Variants in RHEB observed in about 807,000 individuals in gnomAD.
RHEB encodes the protein GTP-binding protein Rheb.
RHEB carries 2 observed loss-of-function variants against 28.8 expected under a neutral mutation model. The ratio of observed to expected loss-of-function variants is 0.07; its 90% CI spans 0.03 to 0.22. RHEB has a LOEUF of 0.22. Among genes scored for constraint, RHEB ranks in the 10% least tolerant of loss-of-function variants. RHEB has a pLI of 1.00. For synonymous variants in RHEB, 69 were observed against 77.3 expected (o/e 0.89, Z 0.56); for missense variants, 76 against 219.9 (o/e 0.35, Z 4.14).
chr7:151,484,688 G>T, intron 3 of RHEB, 49 bp downstream of exon 3: 2 of 1,347,590 alleles, frequency 1.5e-6, no homozygotes, highest in Non-Finnish European at 2.1e-6. Context: ...CTAGGACCAA[G>T]ACTGTCAGAT....
intron 1 of RHEB, among the ~76,000 whole-genome samples, chr7:151,498,434 C>G (rs867343844): frequency 1.2e-4 from 18 of 151,958 alleles, no homozygotes; most frequent in African/African-American, 4.1e-4. Context: ...CCGGGCAACA[C>G]AGTGAGACCC....
At chr7:151,491,715 C>T (rs993983525) in intron 1 of RHEB, among the ~76,000 whole-genome samples, 3 of 148,114 alleles carry the variant, frequency 2.0e-5, no homozygotes, top group African/African-American at 5.0e-5. Context: ...CAAGCCTGGG[C>T]GACAGAGCAA....
In RHEB at chr7:151,468,685, C is replaced by T. The variant is rs546029258; in HGVS notation, c.463-1474G>A. Among the ~76,000 whole-genome samples the T allele has an allele frequency of 1.2e-4, 19 of 152,204 alleles. No individual in the cohort carries two copies. The highest frequency in any genetic ancestry group is 3.3e-4 in the Admixed American group (5 of 15,284). ...CACATCCTCCATCCACCAAGCTGACCCACCCACTTGAATGTGGGCTCCCAT... is the reference window on the plus strand; with the variant it reads ...CACATCCTCCATCCACCAAGCTGACTCACCCACTTGAATGTGGGCTCCCAT... On this transcript the variant is annotated intron_variant, in intron 7 of 7. Coordinates refer to ENST00000262187, the MANE Select transcript of RHEB (RefSeq NM_005614.4). This position sits in a 1 kb window ranked among gnomAD's most constrained non-coding sequence, Gnocchi z 4.3.
At chr7:151,490,300 T>C (rs889645001) in intron 2 of RHEB, among the ~76,000 whole-genome samples, 1 of 152,132 alleles carries the variant, frequency 6.6e-6, no homozygotes, top group Non-Finnish European at 1.5e-5. Flanking sequence ...AATAAATAAA[T>C]AGTCTCATGG....
At chr7:151,514,517 C>T (rs978774782) in intron 1 of RHEB, among the ~76,000 whole-genome samples, 2 of 152,014 alleles carry the variant, frequency 1.3e-5, no homozygotes, top group Admixed American at 6.6e-5. Context: ...GGCAGTGTAA[C>T]AATTGTTGAC....
intron 4 of RHEB, among the ~76,000 whole-genome samples, chr7:151,476,013 A>G (rs1373839889): frequency 5.3e-5 from 8 of 152,080 alleles, no homozygotes; most frequent in Non-Finnish European, 1.2e-4. Context: ...CTCACTTTCT[A>G]TTTTTCACAG....
chr7:151,518,048 T>C (rs575912466), intron 1 of RHEB: 12 of 152,272 alleles, frequency 7.9e-5, no homozygotes, highest in African/African-American at 2.9e-4. Context: ...TTTGAACAAT[T>C]AGTGACTTTG....
chr7:151,480,760 C>T (rs565278877), intron 3 of RHEB, among the ~76,000 whole-genome samples: 28 of 151,246 alleles, frequency 1.9e-4, no homozygotes, highest in Admixed American at 1.7e-3. Flanking sequence ...TCTTGGGTTA[C>T]TACAACCTCC....
intron 1 of RHEB, chr7:151,518,041 G>T (rs1483306320): frequency 6.6e-6 from 1 of 151,982 alleles, no homozygotes; most frequent in African/African-American, 2.4e-5. Flanking sequence ...GTTGATATTT[G>T]AACAATTAGT....
intron 1 of RHEB, among the ~76,000 whole-genome samples, chr7:151,508,618 T>G (rs1027604587): frequency 6.0e-5 from 9 of 150,008 alleles, no homozygotes. Flanking sequence ...TAAAATTACA[T>G]TAGGTTATAT....
rs375555614 is a variant in RHEB, at chr7:151,468,661, A to G, written c.463-1450T>C. ...GAAGCCACATTCATGAAAGAACTCC[A>G]CATCCTCCATCCACCAAGCTGACCC... On this transcript the variant is annotated intron_variant, in intron 7 of 7. Transcript: ENST00000262187. This position sits in a 1 kb window ranked among gnomAD's most constrained non-coding sequence, Gnocchi z 4.3. Among the ~76,000 whole-genome samples the G allele has an allele frequency of 6.6e-6, 1 of 152,190 alleles. No individual in the cohort carries two copies.
At chr7:151,470,465 T>C in intron 7 of RHEB, 106 bp downstream of exon 7, 1 of 663,000 alleles carries the variant, frequency 1.5e-6, no homozygotes, top group Non-Finnish European at 2.6e-6. Flanking sequence ...GAAGGCCAGA[T>C]GTTACACAGG....
chr7:151,487,463 T>C (rs773499917), intron 2 of RHEB, among the ~76,000 whole-genome samples: 17 of 150,978 alleles, frequency 1.1e-4, no homozygotes, highest in Admixed American at 4.0e-4. Context: ...TGTTGCCAAG[T>C]CAAAAAAATG....
chr7:151,509,191 C>T (rs1385787379), intron 1 of RHEB, among the ~76,000 whole-genome samples: 1 of 152,170 alleles, frequency 6.6e-6, no homozygotes, highest in African/African-American at 2.4e-5. Context: ...GTCTCTGGGG[C>T]AACAATCCTG....
chr7:151,516,604 T>TA (rs1324793296), intron 1 of RHEB, among the ~76,000 whole-genome samples: 1 of 115,480 alleles, frequency 8.7e-6, no homozygotes, highest in Non-Finnish European at 1.6e-5. Context: ...GCCTGGGTGA[T>TA]AGAGTGAGAC....
Position 151,484,866 on chromosome 7 carries a change from T to C in RHEB, c.125-62A>G, listed in dbSNP as rs370072674. Reference sequence around the variant, plus strand: ...AAATTAACTCGAAACCACCTGAAGTTTGAACAATGACAACCAATCAAGCAC... The same window carrying C: ...AAATTAACTCGAAACCACCTGAAGTCTGAACAATGACAACCAATCAAGCAC... On this transcript the variant is annotated intron_variant, in intron 2 of 7. Transcript: ENST00000262187. 42 of 1,138,616 alleles carry C rather than the reference T, an allele frequency of 3.7e-5. No homozygotes were observed. In the African/African-American group the frequency reaches 5.7e-4, roughly 15 times the overall value. 70.5% of individuals were successfully genotyped at this position (1,138,616 alleles called of 1,614,324 possible). A position where few individuals can be genotyped will look rare whatever the true frequency, so the allele number is the denominator to read the frequency against.
intron 3 of RHEB, among the ~76,000 whole-genome samples, chr7:151,483,749 C>T (rs889741355): frequency 7.2e-5 from 11 of 152,138 alleles, no homozygotes; most frequent in African/African-American, 2.7e-4. Context: ...GAGCTGAAAT[C>T]CCAGCTTCTT....
chr7:151,486,044 A>G (rs933756746), intron 2 of RHEB, among the ~76,000 whole-genome samples: 3 of 152,244 alleles, frequency 2.0e-5, no homozygotes, highest in African/African-American at 7.2e-5. Flanking sequence ...CTAAGAAAGA[A>G]TTCAGATTTG....
chr7:151,502,930 T>C (rs1802798549), intron 1 of RHEB: 3 of 791,750 alleles, frequency 3.8e-6, no homozygotes, highest in Admixed American at 1.7e-5. Context: ...ATATATCCTA[T>C]GGTGGTGAAA....
Sources: gnomAD v4.1 joint callset for allele counts (sites outside exome capture counted in the v4.1 genomes callset) on GRCh38, gnomAD v4.1.1 for gene constraint, Gnocchi (gnomAD v3.1) non-coding constraint, MANE v1.5 for transcripts, NCBI Gene and HGNC (gene_info 2026-07-23, HGNC 2026-07-21) for gene names.